PLEC: variants seen among roughly 807,000 people sequenced by gnomAD.
The protein encoded by PLEC is plectin, also known as hemidesmosomal protein 1.
In PLEC, 216 loss-of-function variants were observed where a neutral mutation model predicts 392.8. The observed-to-expected ratio is 0.55, with a 90% CI of 0.49 to 0.62. The LOEUF is 0.62. PLEC is among the 20% of genes least tolerant of loss of function. The probability of loss-of-function intolerance (pLI) is 0.00; values close to 1 mark genes in which losing one functional copy is unlikely to be tolerated. For synonymous variants in PLEC, 3,621 were observed against 2,980.6 expected (o/e 1.21, Z -7.00); for missense variants, 6,863 against 6,563.4 (o/e 1.05, Z -1.58).
intron 1 of PLEC, 30 bp downstream of exon 1, chr8:143,939,320 G>A: frequency 6.3e-7 from 1 of 1,598,618 alleles, no homozygotes; most frequent in Non-Finnish European, 8.5e-7. Context: ...CGCCCTGCCT[G>A]GCGGGGGTGC....
chr8:143,945,049 G>A (rs1831244836), intron 1 of PLEC: 1 of 403,980 alleles, frequency 2.5e-6, no homozygotes, highest in Admixed American at 4.5e-5. Flanking sequence ...AGGAGGCGGT[G>A]CAGTCCCCAC....
upstream of PLEC, among the ~76,000 whole-genome samples, chr8:143,957,786 C>T (rs1157436249): frequency 6.6e-6 from 1 of 152,208 alleles, no homozygotes; most frequent in Non-Finnish European, 1.5e-5. Context: ...GCTTTGCTCC[C>T]TGCCCCATCT....
In PLEC at chr8:143,934,843, T is replaced by G; in HGVS notation, c.912A>C (p.Glu304Asp). The G allele has an allele frequency of 6.2e-7, 1 of 1,611,534 alleles. No individual in the cohort carries two copies. Among genetic ancestry groups the G allele is most frequent in the Non-Finnish European group, 8.5e-7 (1 of 1,179,790 alleles). The change falls in exon 9 of 32, where the codon GAA (glutamate) becomes GAC (aspartate). Residue 304 changes from glutamate (E) to aspartate (D), a missense_variant. Physicochemically the swap from Glu to Asp is conservative, Grantham distance 45. Coordinates refer to ENST00000345136, the MANE Select transcript of PLEC (RefSeq NM_201384.3). Reference protein sequence around the residue: ...WMRHHTAAFEERRFPSSFEEI... With the variant: ...WMRHHTAAFEDRRFPSSFEEI... ...CCTCGAAGCTGGAGGGGAACCTGCG[T>G]TCCTCAAAGGCGGCCGTGTGGTGTC...
chr8:143,950,432 A>T (rs1554735530), exon 1 of PLEC: 2 of 1,601,446 alleles, frequency 1.2e-6, no homozygotes, highest in South Asian at 1.1e-5. Context: ...GGCGGGCACG[A>T]TCTCTGGCGG....
At chr8:143,946,441 G>A (rs1211948041) in intron 1 of PLEC, 21 of 1,276,750 alleles carry the variant, frequency 1.6e-5, no homozygotes, top group Admixed American at 9.3e-5. Context: ...GGAGGAAGGC[G>A]AGGCAGGAAG....
chr8:143,950,662 G>C (rs375431240), exon 1 of PLEC: 2 of 1,582,318 alleles, frequency 1.3e-6, no homozygotes, highest in Non-Finnish European at 1.7e-6. Flanking sequence ...GCACCTCATA[G>C]ATGGCCCGCA....
chr8:143,954,644 G>A (rs1354778943), upstream of PLEC, among the ~76,000 whole-genome samples: 4 of 152,240 alleles, frequency 2.6e-5, no homozygotes, highest in Non-Finnish European at 5.9e-5. This position sits in a 1 kb window ranked among gnomAD's most constrained non-coding sequence, Gnocchi z 4.6. Context: ...CGCAGGAGTA[G>A]CTGTGTGTCA....
At position 143,934,284 on chromosome 8, in the gene PLEC, G is replaced by A. The variant is rs782319938; in HGVS notation, c.1169+34C>T. 7 of 1,610,064 alleles carry A rather than the reference G, an allele frequency of 4.3e-6. No individual in the cohort carries two copies. The South Asian group carries it at 7.7e-5, about 18-fold the overall frequency. ...CTTCCCAGGCAGTGACACACCCTCG[G>A]GTGGTTCCCCTGCCACCACAGGGCC... is the stretch of plus-strand genomic sequence containing the variant. On this transcript the variant is annotated intron_variant, in intron 11 of 31. Transcript: ENST00000345136.
At chr8:143,960,283 AAATAATAAT>A (rs530119507) in intron 1 of PLEC, among the ~76,000 whole-genome samples, 1 of 150,794 alleles carries the variant, frequency 6.6e-6, no homozygotes, top group Non-Finnish European at 1.5e-5. Flanking sequence ...ACTCCGTCTC[AAATAATAAT>A]AATAATAATA....
rs782333071 is a variant in PLEC at position 143,917,471 on chromosome 8, C to A, written c.12350G>T (p.Cys4117Phe). The change falls in exon 32 of 32, where the codon TGT (cysteine) becomes TTT (phenylalanine). Residue 4117 changes from cysteine (C) to phenylalanine (F), a missense_variant. Transcript: ENST00000345136. Reference protein sequence around the residue: ...RCITDPQTGLCLLPLKEKKRE... With the variant: ...RCITDPQTGLFLLPLKEKKRE... Reference sequence around the variant, plus strand: ...CTTCTTCTCCTTCAGCGGCAAGAGACACAGGCCCGTCTGGGGGTCAGTGAT... The same window carrying A: ...CTTCTTCTCCTTCAGCGGCAAGAGAAACAGGCCCGTCTGGGGGTCAGTGAT... The A allele has an allele frequency of 6.2e-7, 1 of 1,613,834 alleles. No homozygotes were observed. Among genetic ancestry groups the A allele is most frequent in the Non-Finnish European group, 8.5e-7 (1 of 1,180,032 alleles).
At chr8:143,928,059 C>G in intron 25 of PLEC, 67 bp from the exon 26 acceptor site, 1 of 1,512,230 alleles carries the variant, frequency 6.6e-7, no homozygotes, top group South Asian at 1.3e-5. Flanking sequence ...GAATGGAACC[C>G]AAGCCACAGC....
At chr8:143,942,624 C>G, upstream of PLEC, 1 of 1,259,664 alleles carries the variant, frequency 7.9e-7, no homozygotes, top group Middle Eastern at 2.8e-4. Context: ...CTTCGCTCTC[C>G]ACCTCTTCCA....
Position 143,950,441 on chromosome 8 carries a change from G to A in PLEC, c.266C>T (p.Pro89Leu), listed in dbSNP as rs374957051. 32 of 1,602,208 alleles carry A rather than the reference G, an allele frequency of 2.0e-5. No homozygotes were observed. Among genetic ancestry groups the A allele is most frequent in the South Asian group, 4.5e-5 (4 of 89,014 alleles). Residue 89 changes from proline to leucine, a missense_variant, in exon 1 of 32, where the codon CCG (proline) becomes CTG (leucine). Coordinates refer to the PLEC transcript ENST00000322810. The stretch of plus-strand genomic sequence containing the variant: ...CAGAGAGGCGGGCACGATCTCTGGC[G>A]GCAGGTGCAGGTACTGGCGGAGGTG...
At position 143,917,671 on chromosome 8, in the gene PLEC, G is replaced by A. The variant is rs373820615; in HGVS notation, c.12150C>T (p.Gly4050=). Residue 4050 remains glycine (G), a synonymous_variant, in exon 32 of 32, where the codon GGC becomes GGT. Coordinates refer to ENST00000345136, the MANE Select transcript of PLEC (RefSeq NM_201384.3). The stretch of plus-strand genomic sequence containing the variant: ...GGCTCTCCTCAGGGTCGATGATGCC[G>A]CCCGTGGCGATCTGGGCCTCCAGCA... ...IRLLEAQIAT[G]GIIDPEESHR... is the part of the protein sequence containing the mutation. 35 of 1,613,426 alleles carry A rather than the reference G, an allele frequency of 2.2e-5. No homozygotes were observed. Among genetic ancestry groups the A allele is most frequent in the African/African-American group, 1.7e-4 (13 of 74,914 alleles).
chr8:143,960,204 C>T (rs1157803746), intron 1 of PLEC, among the ~76,000 whole-genome samples: 4 of 151,948 alleles, frequency 2.6e-5, no homozygotes. Context: ...ATCGCTTGAA[C>T]TCGGAGGGCG....
At position 143,933,948 on chromosome 8, in the gene PLEC, A is replaced by G. The variant is rs781958864; in HGVS notation, c.1263+50T>C. ...TGGCTTTAGGGCTGCAGGGCGGGGC[A>G]GGCTCCTCCGGCCTCCCTCCCGCCC... is the stretch of plus-strand genomic sequence containing the variant. On this transcript the variant is annotated intron_variant, in intron 12 of 31. Coordinates refer to ENST00000345136, the MANE Select transcript of PLEC (RefSeq NM_201384.3). 4.7e-6 allele frequency: 7 copies of G among 1,497,642 alleles called. No homozygotes were observed. In the Admixed American group the frequency reaches 1.3e-4, roughly 27 times the overall value. 92.8% of individuals were successfully genotyped at this position (1,497,642 alleles called of 1,614,324 possible). A position where few individuals can be genotyped will look rare whatever the true frequency, so the allele number is the denominator to read the frequency against.
upstream of PLEC, chr8:143,943,694 G>A: frequency 7.9e-7 from 1 of 1,271,752 alleles, no homozygotes; most frequent in African/African-American, 1.5e-5. Flanking sequence ...AAACAGGAAG[G>A]GGAGGGCGCA....
rs908922450 is a variant in PLEC at position 143,920,043 on chromosome 8, C to T, written c.9778G>A (p.Glu3260Lys). ...TVTVWELISSEYFTAEQRQEL... is the reference protein window; with the variant it reads ...TVTVWELISSKYFTAEQRQEL... ...TGCCGCTGCTCCGCAGTGAAGTACT[C>T]AGAGCTGATGAGCTCCCACACCGTC... The change falls in exon 32 of 32, where the codon GAG (glutamate) becomes AAG (lysine). Residue 3260 changes from glutamate (E) to lysine (K), a missense_variant. Physicochemically the swap from Glu to Lys is moderately conservative, Grantham distance 56 (BLOSUM62 1). Coordinates refer to ENST00000345136, the MANE Select transcript of PLEC (RefSeq NM_201384.3). The T allele has an allele frequency of 6.2e-7, 1 of 1,613,348 alleles. No individual in the cohort carries two copies. Among genetic ancestry groups the T allele is most frequent in the African/African-American group, 1.3e-5 (1 of 75,066 alleles).
chr8:143,926,782 ACCT>A lies in PLEC; in HGVS notation c.4043_4044+1del, dbSNP rs782713862. On this transcript the variant is annotated splice_donor_variant and coding_sequence_variant, in exon 30 of 32. Transcript: ENST00000345136. LOFTEE classifies it high-confidence loss of function. ...GCCCAGCCTCCGCCCAACGGGCTGTACCTCCTCCTCCTCCATGCGCCGCAGAGT... is the reference window on the plus strand; with the variant it reads ...GCCCAGCCTCCGCCCAACGGGCTGTACCTCCTCCTCCATGCGCCGCAGAGT... 2.9e-5 allele frequency: 46 copies of A among 1,607,608 alleles called. No individual in the cohort carries two copies. Among genetic ancestry groups the A allele is most frequent in the East Asian group, 4.5e-5 (2 of 44,830 alleles).
Sources: allele counts gnomAD v4.1 joint callset (sites outside exome capture counted in the v4.1 genomes callset), GRCh38; gene constraint gnomAD v4.1.1; non-coding constraint Gnocchi (gnomAD v3.1); transcripts MANE v1.5; gene names NCBI Gene and HGNC (gene_info 2026-07-23, HGNC 2026-07-21).